Variants in CCNJL observed in about 807,000 individuals in gnomAD.
CCNJL encodes cyclin J like.
CCNJL carries 33 observed loss-of-function variants against 33.4 expected under a neutral mutation model. The observed-to-expected ratio is 0.99, with a 90% CI of 0.75 to 1.32. CCNJL has a LOEUF of 1.32. Ranked by LOEUF, CCNJL falls within the 40% of genes most tolerant of loss-of-function variation. CCNJL has a pLI of 0.00. For missense variants in CCNJL, 512 were observed against 499.7 expected, an observed-to-expected ratio of 1.02 and a Z score of -0.23; for synonymous variants, 227 against 220.9, an observed-to-expected ratio of 1.03 and a Z score of -0.24.
At chr5:160,306,436 C>T (rs1391020522) in intron 2 of CCNJL, among the ~76,000 whole-genome samples, 2 of 152,128 alleles carry the variant, frequency 1.3e-5, no homozygotes, top group East Asian at 1.9e-4. Context: ...ACATGACTCC[C>T]GTCTTGGGAG....
intron 4 of CCNJL, among the ~76,000 whole-genome samples, 172 bp from the exon 5 acceptor site, chr5:160,255,880 C>A (rs893663637): frequency 1.1e-4 from 17 of 152,068 alleles, no homozygotes; most frequent in African/African-American, 2.9e-4. Flanking sequence ...TTAACCTTGG[C>A]TCTTGGTCTG....
chr5:160,255,958 A>T (rs1761046413), intron 4 of CCNJL, among the ~76,000 whole-genome samples: 2 of 152,154 alleles, frequency 1.3e-5, no homozygotes, highest in Non-Finnish European at 2.9e-5. Context: ...GTGAGATCAC[A>T]GCTCACTGCA....
At chr5:160,254,493 AG>A in intron 5 of CCNJL, 1 of 462,506 alleles carries the variant, frequency 2.2e-6, no homozygotes, top group Non-Finnish European at 3.8e-6. Flanking sequence ...CCTACGGAGT[AG>A]GACTGACTTT....
At chr5:160,260,197 T>A (rs577725894) in intron 3 of CCNJL, among the ~76,000 whole-genome samples, 1 of 152,122 alleles carries the variant, frequency 6.6e-6, no homozygotes, top group Non-Finnish European at 1.5e-5. Flanking sequence ...CAATCCAACC[T>A]CCTGGCTAGA....
chr5:160,311,333 G>T (rs1477290323), intron 2 of CCNJL, among the ~76,000 whole-genome samples: 1 of 151,952 alleles, frequency 6.6e-6, no homozygotes, highest in African/African-American at 2.4e-5. Flanking sequence ...TATACACATA[G>T]ATACACGTAT....
chr5:160,254,265 G>C (rs1760955649), intron 5 of CCNJL: 2 of 587,966 alleles, frequency 3.4e-6, no homozygotes, highest in Non-Finnish European at 6.0e-6. Context: ...CCCCAGCGGG[G>C]TCACTCCTTA....
At chr5:160,288,780 G>A (rs775089568) in intron 2 of CCNJL, among the ~76,000 whole-genome samples, 24 of 147,350 alleles carry the variant, frequency 1.6e-4, no homozygotes, top group Non-Finnish European at 2.5e-4. Flanking sequence ...GCAGTGAATG[G>A]ACATCGTGCC....
At chr5:160,303,355 A>G (rs1231550602) in intron 2 of CCNJL, among the ~76,000 whole-genome samples, 1 of 151,984 alleles carries the variant, frequency 6.6e-6, no homozygotes, top group Non-Finnish European at 1.5e-5. Context: ...ACAGGCACTC[A>G]TCACCATACC....
intron 2 of CCNJL, among the ~76,000 whole-genome samples, chr5:160,287,379 G>C (rs946293836): frequency 1.3e-5 from 2 of 152,180 alleles, no homozygotes; most frequent in Non-Finnish European, 2.9e-5. Context: ...CTGTCAGTGT[G>C]TCCTCTGCAG....
rs183216716 is a variant in CCNJL, at chr5:160,263,690, G to A, written c.281-3919C>T. Among the ~76,000 whole-genome samples, 100 of 152,290 alleles carry A rather than the reference G, an allele frequency of 6.6e-4. 1 individual carries two copies. The highest frequency in any genetic ancestry group is 2.2e-3 in the African/African-American group (91 of 41,548). On this transcript the variant is annotated intron_variant, in intron 3 of 5. Transcript: ENST00000257536. Reference sequence around the variant, plus strand: ...GATCACTTGATTAAGGTGGTGACACGAGACTGCTCCAGTTCAAGGTACCAG... The same window carrying A: ...GATCACTTGATTAAGGTGGTGACACAAGACTGCTCCAGTTCAAGGTACCAG...
rs1760780905 is a variant in CCNJL at position 160,250,754 on chromosome 5, AG to A, written c.*2623del. ...TATCTTGCAAACTGCCTCATGATTT[AG>A]TTTTCTAAAAAGTCTTATTAGTGCA... On this transcript the variant is annotated 3_prime_UTR_variant, in exon 6 of 6. Transcript: ENST00000257536. 1 of 152,266 alleles carries A rather than the reference AG, an allele frequency of 6.6e-6. No individual in the cohort carries two copies. Among genetic ancestry groups the A allele is most frequent in the Non-Finnish European group, 1.5e-5 (1 of 68,048 alleles). 9.4% of individuals were successfully genotyped at this position (152,266 alleles called of 1,614,324 possible).
chr5:160,257,555 G>GT (rs1401236507), intron 4 of CCNJL, among the ~76,000 whole-genome samples: 1 of 152,084 alleles, frequency 6.6e-6, no homozygotes, highest in Admixed American at 6.6e-5. Context: ...GCTCACGCCT[G>GT]TAATCCCAGC....
At chr5:160,260,036 T>C (rs1327792530) in intron 3 of CCNJL, among the ~76,000 whole-genome samples, 1 of 152,262 alleles carries the variant, frequency 6.6e-6, no homozygotes, top group East Asian at 1.9e-4. Context: ...ATGGAACCTA[T>C]ACTTCATAAG....
intron 2 of CCNJL, among the ~76,000 whole-genome samples, chr5:160,284,439 C>T (rs916645387): frequency 2.6e-5 from 4 of 151,878 alleles, no homozygotes; most frequent in Non-Finnish European, 4.4e-5. Flanking sequence ...ACAAGACAGA[C>T]GTTATCACCC....
intron 3 of CCNJL, among the ~76,000 whole-genome samples, chr5:160,268,332 G>A (rs996570912): frequency 6.6e-6 from 1 of 152,222 alleles, no homozygotes; most frequent in African/African-American, 2.4e-5. Context: ...AGTGGCAGCC[G>A]CTTACTAGCC....
rs1762396312 is a variant in CCNJL, at chr5:160,286,068, C to T, written c.67-5330G>A. Among the ~76,000 whole-genome samples, 3 of 152,222 alleles carry T rather than the reference C, an allele frequency of 2.0e-5. 1 individual carries two copies. In the South Asian group the frequency reaches 6.2e-4, roughly 31 times the overall value. On this transcript the variant is annotated intron_variant, in intron 2 of 5. Transcript: ENST00000257536. ...TCATAGATCCTTGGTGTCTGGTGGG[C>T]TGCAGCTGCCGGAAATTAGACTTAG...
At chr5:160,298,666 C>A (rs1762826096) in intron 2 of CCNJL, among the ~76,000 whole-genome samples, 1 of 151,946 alleles carries the variant, frequency 6.6e-6, no homozygotes, top group African/African-American at 2.4e-5. Context: ...CCGTCCTTGT[C>A]TGGGAGTCAG....
intron 2 of CCNJL, among the ~76,000 whole-genome samples, chr5:160,303,312 T>C (rs1420995317): frequency 6.6e-6 from 1 of 152,134 alleles, no homozygotes; most frequent in Non-Finnish European, 1.5e-5. Flanking sequence ...TTCAAGCGAT[T>C]CTCCTGCCTC....
chr5:160,326,916 G>A (rs995932795), intron 1 of CCNJL: 13 of 659,344 alleles, frequency 2.0e-5, no homozygotes, highest in East Asian at 3.6e-5. Context: ...GAATACGACC[G>A]AGTCGGATCA....
Sources: gnomAD v4.1 joint callset for allele counts (sites outside exome capture counted in the v4.1 genomes callset) on GRCh38, gnomAD v4.1.1 for gene constraint, MANE v1.5 for transcripts, NCBI Gene and HGNC (gene_info 2026-07-23, HGNC 2026-07-21) for gene names.